ARHGEF26: variants seen among roughly 807,000 people sequenced by gnomAD.
ARHGEF26 encodes the protein Rho guanine nucleotide exchange factor 26.
In ARHGEF26, 59 loss-of-function variants were observed where a neutral mutation model predicts 89.4. The ratio of observed to expected loss-of-function variants is 0.66; its 90% CI spans 0.54 to 0.82. The LOEUF is 0.82. Ranked by LOEUF, ARHGEF26 falls within the 40% of genes least tolerant of loss-of-function variation. The probability of loss-of-function intolerance (pLI) is 0.00; values close to 1 mark genes in which losing one functional copy is unlikely to be tolerated. For missense variants in ARHGEF26, 1,234 were observed against 1,085.6 expected, an observed-to-expected ratio of 1.14 and a Z score of -1.92; for synonymous variants, 500 against 428.4, an observed-to-expected ratio of 1.17 and a Z score of -2.06.
intron 12 of ARHGEF26, among the ~76,000 whole-genome samples, chr3:154,247,313 C>T (rs538717760): frequency 2.0e-5 from 3 of 152,194 alleles, no homozygotes; most frequent in Admixed American, 1.3e-4. Flanking sequence ...GTTATCCAGT[C>T]TGGAGACTTG....
At chr3:154,226,045 C>A in intron 11 of ARHGEF26, 35 bp downstream of exon 11, 1 of 1,577,156 alleles carries the variant, frequency 6.3e-7, no homozygotes, top group Non-Finnish European at 8.6e-7. Flanking sequence ...ACTAGACATT[C>A]CAGTTTTAAA....
chr3:154,228,986 C>T (rs749313876), intron 11 of ARHGEF26, among the ~76,000 whole-genome samples: 110 of 152,182 alleles, frequency 7.2e-4, no homozygotes, highest in South Asian at 1.2e-3. Context: ...AAAAGCTGCT[C>T]GGGAGGACAG....
At position 154,255,611 on chromosome 3, in the gene ARHGEF26, GGTT is replaced by G; in HGVS notation, c.*142_*144del. 1.4e-6 allele frequency: 2 copies of G among 1,450,942 alleles called. No homozygotes were observed. Among genetic ancestry groups the G allele is most frequent in the Non-Finnish European group, 9.0e-7 (1 of 1,106,680 alleles). The allele number at this position is 1,450,942 out of a possible 1,614,324, so 89.9% of individuals were successfully genotyped here. ...AAAACACTTGCCTTTAAGCTTGCCA[GGTT>G]GTTCTGCTCTCTCATGAGAAGAGCT... On this transcript the variant is annotated 3_prime_UTR_variant, in exon 15 of 15. Coordinates refer to ENST00000465093, the MANE Select transcript of ARHGEF26 (RefSeq NM_015595.4).
chr3:154,185,933 C>G (rs1713497373), intron 6 of ARHGEF26, among the ~76,000 whole-genome samples: 1 of 152,176 alleles, frequency 6.6e-6, no homozygotes, highest in Admixed American at 6.5e-5. Context: ...AGACCAAATA[C>G]TTATTATTAC....
At chr3:154,249,508 C>T (rs1179787348) in intron 12 of ARHGEF26, among the ~76,000 whole-genome samples, 3 of 152,138 alleles carry the variant, frequency 2.0e-5, no homozygotes, top group Non-Finnish European at 2.9e-5. Flanking sequence ...TCAATTTAGT[C>T]GTCTTTCTCT....
In ARHGEF26 at chr3:154,122,529, C is replaced by T; in HGVS notation, c.537C>T (p.Ala179=). The T allele has an allele frequency of 1.2e-6, 2 of 1,613,498 alleles. No individual in the cohort carries two copies. Among genetic ancestry groups the T allele is most frequent in the Non-Finnish European group, 1.7e-6 (2 of 1,179,892 alleles). The change falls in exon 2 of 15, where the codon GCC becomes GCT. Residue 179 remains alanine (A), a synonymous_variant. Coordinates refer to ENST00000465093, the MANE Select transcript of ARHGEF26 (RefSeq NM_015595.4). ...PVPSPTANGL[A]ANNDSPGSGS... is the part of the protein sequence containing the mutation. ...CTTCGCCCACTGCAAATGGCCTTGC[C>T]GCTAATAACGACTCTCCTGGGTCAG...
intron 13 of ARHGEF26, 127 bp downstream of exon 13, chr3:154,253,310 C>G (rs1718278988): frequency 3.0e-6 from 3 of 1,000,892 alleles, no homozygotes; most frequent in Admixed American, 5.3e-5. Context: ...CTTCCTTCTG[C>G]TTTACACCAA....
chr3:154,255,887 T>C lies in ARHGEF26; in HGVS notation c.*414T>C, dbSNP rs1718467787. ...CTCCCAGTATTAGCAAGATTGTATA[T>C]CTGTAAAGAATGTCCAGTTTTGTAA... On this transcript the variant is annotated 3_prime_UTR_variant, in exon 15 of 15. Transcript: ENST00000465093. The C allele has an allele frequency of 1.0e-6, 1 of 992,974 alleles. No homozygotes were observed. The highest frequency in any genetic ancestry group is 1.2e-6 in the Non-Finnish European group (1 of 834,974). 61.5% of individuals were successfully genotyped at this position (992,974 alleles called of 1,614,324 possible). A position where few individuals can be genotyped will look rare whatever the true frequency, so the allele number is the denominator to read the frequency against.
At chr3:154,168,723 C>T (rs1487826150) in intron 6 of ARHGEF26, among the ~76,000 whole-genome samples, 3 of 152,164 alleles carry the variant, frequency 2.0e-5, no homozygotes, top group African/African-American at 7.2e-5. Flanking sequence ...TGTTTATCCT[C>T]CTAGCATTTC....
At chr3:154,126,020 A>T (rs1245928312) in intron 3 of ARHGEF26, among the ~76,000 whole-genome samples, 3 of 152,136 alleles carry the variant, frequency 2.0e-5, no homozygotes, top group Non-Finnish European at 4.4e-5. Context: ...GGTTAATAAT[A>T]CTGTTGCCTA....
At chr3:154,140,909 A>G (rs904171949) in intron 4 of ARHGEF26, among the ~76,000 whole-genome samples, 1 of 150,066 alleles carries the variant, frequency 6.7e-6, no homozygotes, top group African/African-American at 2.5e-5. Flanking sequence ...ACACTTGAGC[A>G]CTTGAGACTG....
At chr3:154,200,319 C>T (rs946675344) in intron 9 of ARHGEF26, among the ~76,000 whole-genome samples, 2 of 152,070 alleles carry the variant, frequency 1.3e-5, no homozygotes, top group Non-Finnish European at 2.9e-5. Context: ...AAGAGACTGT[C>T]TTTTCCTCAG....
intron 4 of ARHGEF26, among the ~76,000 whole-genome samples, chr3:154,147,519 C>G (rs1310857264): frequency 6.6e-6 from 1 of 152,166 alleles, no homozygotes. Context: ...TATTTTCTTT[C>G]CCACGAATGG....
Position 154,129,601 on chromosome 3 carries a change from A to G in ARHGEF26, c.1151A>G (p.Lys384Arg). ...AATGCTGTCCTGTATCAAAACTACA[A>G]GGAAAAGGCCCTTGACATTGATTCT... is the stretch of plus-strand genomic sequence containing the variant. ...EENAVLYQNYKEKALDIDSDE... is the reference protein window; with the variant it reads ...EENAVLYQNYREKALDIDSDE... Residue 384 changes from lysine to arginine, a missense_variant, in exon 4 of 15, where the codon AAG becomes AGG. By Grantham distance (26) the Lys-to-Arg change is conservative (BLOSUM62 2). Coordinates refer to ENST00000465093, the MANE Select transcript of ARHGEF26 (RefSeq NM_015595.4). 6.2e-7 allele frequency: 1 copy of G among 1,611,900 alleles called. No homozygotes were observed. The highest frequency in any genetic ancestry group is 1.3e-5 in the African/African-American group (1 of 75,032).
intron 6 of ARHGEF26, among the ~76,000 whole-genome samples, chr3:154,155,214 G>T (rs999125695): frequency 6.6e-6 from 1 of 151,992 alleles, no homozygotes; most frequent in African/African-American, 2.4e-5. Context: ...CTGGAACATA[G>T]TATGTGTCAG....
chr3:154,192,336 G>A (rs1714003462), intron 8 of ARHGEF26, among the ~76,000 whole-genome samples: 1 of 152,174 alleles, frequency 6.6e-6, no homozygotes, highest in South Asian at 2.1e-4. Flanking sequence ...TTCACATTCT[G>A]TATCCCATTG....
chr3:154,233,434 G>GA (rs1171813458), intron 11 of ARHGEF26, among the ~76,000 whole-genome samples: 1 of 151,870 alleles, frequency 6.6e-6, no homozygotes, highest in Non-Finnish European at 1.5e-5. Flanking sequence ...TTTTTAGAAG[G>GA]AGAAGGGAAA....
chr3:154,228,956 G>A (rs940047541), intron 11 of ARHGEF26, among the ~76,000 whole-genome samples: 2 of 152,144 alleles, frequency 1.3e-5, no homozygotes, highest in African/African-American at 4.8e-5. Context: ...CCTCTTCAGG[G>A]AGGTTTTTCA....
rs775860770 is a variant in ARHGEF26 at position 154,122,954 on chromosome 3, T to C, written c.962T>C (p.Val321Ala). The part of the protein sequence containing the change: ...GLRSTSYRRA[V>A]VSGFDFDSPT... ...CGGTCCACGTCTTATCGCAGGGCAGTGGTCAGTGGCTTTGATTTTGACAGT... is the reference window on the plus strand; with the variant it reads ...CGGTCCACGTCTTATCGCAGGGCAGCGGTCAGTGGCTTTGATTTTGACAGT... Residue 321 changes from valine to alanine, a missense_variant, in exon 2 of 15, where the codon GTG becomes GCG. Physicochemically the swap from Val to Ala is moderately conservative, Grantham distance 64. Coordinates refer to ENST00000465093, the MANE Select transcript of ARHGEF26 (RefSeq NM_015595.4). 6.2e-7 allele frequency: 1 copy of C among 1,613,704 alleles called. No individual in the cohort carries two copies. Among genetic ancestry groups the C allele is most frequent in the Non-Finnish European group, 8.5e-7 (1 of 1,179,802 alleles).
Sources: gnomAD v4.1 joint callset for allele counts (sites outside exome capture counted in the v4.1 genomes callset) on GRCh38, gnomAD v4.1.1 for gene constraint, MANE v1.5 for transcripts, NCBI Gene and HGNC (gene_info 2026-07-23, HGNC 2026-07-21) for gene names.